PCDHA4: variants seen among roughly 807,000 people sequenced by gnomAD.
The protein encoded by PCDHA4 is protocadherin alpha 4.
PCDHA4 carries 49 observed loss-of-function variants against 61.4 expected under a neutral mutation model. The observed-to-expected ratio is 0.80, with a 90% CI of 0.63 to 1.01. The LOEUF (loss-of-function observed/expected upper bound fraction) is 1.01. Ranked by LOEUF, PCDHA4 falls within the 50% of genes least tolerant of loss-of-function variation. The pLI, the probability that PCDHA4 is intolerant of heterozygous loss-of-function variation, is 0.00. For synonymous variants in PCDHA4, 590 were observed against 550.3 expected (o/e 1.07, Z -1.01); for missense variants, 1,254 against 1,235.8 (o/e 1.01, Z -0.22).
At chr5:140,954,356 CCA>C (rs1251664193) in intron 1 of PCDHA4, among the ~76,000 whole-genome samples, 1 of 152,152 alleles carries the variant, frequency 6.6e-6, no homozygotes, top group Non-Finnish European at 1.5e-5. Flanking sequence ...TGAGGAATCG[CCA>C]CACAGTCTCC....
At chr5:140,933,513 G>A (rs2089204044) in intron 1 of PCDHA4, among the ~76,000 whole-genome samples, 1 of 152,012 alleles carries the variant, frequency 6.6e-6, no homozygotes, top group African/African-American at 2.4e-5. Context: ...AAAGACTACA[G>A]CTGTTTTGTT....
intron 1 of PCDHA4, among the ~76,000 whole-genome samples, chr5:140,923,974 C>A (rs2081604148): frequency 6.6e-6 from 1 of 152,212 alleles, no homozygotes; most frequent in African/African-American, 2.4e-5. Flanking sequence ...CCCACACATA[C>A]TATCCCTCTA....
At chr5:140,820,525 A>G (rs2150107223) in intron 1 of PCDHA4, among the ~76,000 whole-genome samples, 2 of 152,164 alleles carry the variant, frequency 1.3e-5, no homozygotes, top group African/African-American at 4.8e-5. Flanking sequence ...GCAGAATGTT[A>G]GCTATTTCTT....
chr5:141,000,395 C>CTCTCTATA (rs1213762225), intron 3 of PCDHA4, among the ~76,000 whole-genome samples: 1 of 53,986 alleles, frequency 1.9e-5, no homozygotes, highest in Non-Finnish European at 3.2e-5. Flanking sequence ...CTCTCTCTCT[C>CTCTCTATA]TATATATATA....
intron 1 of PCDHA4, chr5:140,928,948 A>G: frequency 1.2e-6 from 2 of 1,614,032 alleles, no homozygotes; most frequent in Non-Finnish European, 1.7e-6. Flanking sequence ...GTATTTAGTA[A>G]TTGCCTTGGC....
intron 1 of PCDHA4, chr5:140,876,792 A>T: frequency 6.2e-7 from 1 of 1,614,116 alleles, no homozygotes; most frequent in Non-Finnish European, 8.5e-7. Context: ...CCACGGCTAG[A>T]GTGTCCGTGG....
At chr5:140,809,620 A>ACG in intron 1 of PCDHA4, 48 bp downstream of exon 1, 1 of 1,511,684 alleles carries the variant, frequency 6.6e-7, no homozygotes, top group Non-Finnish European at 8.9e-7. Context: ...GTTTTTCTCT[A>ACG]TCAACTTCTT....
chr5:140,811,757 T>C (rs2126631461), intron 1 of PCDHA4: 7 of 152,396 alleles, frequency 4.6e-5, no homozygotes, highest in African/African-American at 4.8e-5. Flanking sequence ...CCAGTGATGA[T>C]GGGCATTTTT....
At chr5:140,919,176 C>A (rs2079027921) in intron 1 of PCDHA4, among the ~76,000 whole-genome samples, 2 of 152,184 alleles carry the variant, frequency 1.3e-5, no homozygotes, top group Non-Finnish European at 1.5e-5. Flanking sequence ...GTTGCTATAT[C>A]TTCCTGATTG....
intron 2 of PCDHA4, 103 bp downstream of exon 2, chr5:140,979,110 C>G (rs1223081047): frequency 4.6e-5 from 69 of 1,515,610 alleles, no homozygotes; most frequent in Non-Finnish European, 5.9e-5. Flanking sequence ...AACTAAAAAG[C>G]TTTAGGTACT....
intron 1 of PCDHA4, among the ~76,000 whole-genome samples, chr5:140,963,916 T>A (rs186370400): frequency 2.0e-5 from 3 of 152,356 alleles, no homozygotes; most frequent in East Asian, 3.9e-4. Flanking sequence ...AAGCTTAGGC[T>A]AAGTAACATG....
rs2150346184 is a variant in PCDHA4, at chr5:140,842,847, C to T, written c.2385+33275C>T. 8 of 1,593,796 alleles carry T rather than the reference C, an allele frequency of 5.0e-6. 1 individual carries two copies. Among genetic ancestry groups the T allele is most frequent in the Non-Finnish European group, 1.7e-6 (2 of 1,165,370 alleles). On this transcript the variant is annotated intron_variant, in intron 1 of 3. Coordinates refer to ENST00000530339, the MANE Select transcript of PCDHA4 (RefSeq NM_018907.4). ...GAGCGCTCGCTGTCGAGCTACATTT[C>T]GGTGCACACGGAGAGCGGCAAGGTG...
At chr5:140,921,988 A>G (rs1182214376) in intron 1 of PCDHA4, among the ~76,000 whole-genome samples, 1 of 152,132 alleles carries the variant, frequency 6.6e-6, no homozygotes, top group Non-Finnish European at 1.5e-5. Flanking sequence ...ACTAAAAAAG[A>G]GTTCAATGAA....
chr5:140,897,312 T>G (rs1367286366), intron 1 of PCDHA4, among the ~76,000 whole-genome samples: 12 of 150,180 alleles, frequency 8.0e-5, no homozygotes, highest in Non-Finnish European at 1.6e-4. Context: ...TAGGTATATC[T>G]CCTAAAGCTA....
chr5:140,822,864 A>T lies in PCDHA4; in HGVS notation c.2385+13292A>T, dbSNP rs2150119903. ...TCCTGCCTGTCAAAGAGGACGCTCC[A>T]CTCAGCACGGTCATTGCTCTGATCA... is the stretch of plus-strand genomic sequence containing the variant. On this transcript the variant is annotated intron_variant, in intron 1 of 3. Transcript: ENST00000530339. The T allele has an allele frequency of 6.2e-6, 10 of 1,614,160 alleles. No homozygotes were observed. In the East Asian group the frequency reaches 1.6e-4, roughly 25 times the overall value.
At chr5:140,968,639 G>T (rs1278507600) in intron 1 of PCDHA4, 1 of 1,614,150 alleles carries the variant, frequency 6.2e-7, no homozygotes, top group Non-Finnish European at 8.5e-7. Context: ...TTACCATCTA[G>T]CCCAGACTTC....
chr5:140,834,830 C>T (rs1554134546), intron 1 of PCDHA4: 1 of 1,612,028 alleles, frequency 6.2e-7, no homozygotes, highest in East Asian at 2.2e-5. Context: ...GGCCGCTTGA[C>T]TCTCGGTTTC....
intron 1 of PCDHA4, among the ~76,000 whole-genome samples, chr5:140,906,376 C>T (rs1372120775): frequency 1.3e-5 from 2 of 152,166 alleles, no homozygotes; most frequent in Admixed American, 6.5e-5. Context: ...AATGCTATTA[C>T]ATAAAGTTAA....
intron 1 of PCDHA4, among the ~76,000 whole-genome samples, chr5:140,821,231 G>T (rs887712288): frequency 6.6e-6 from 1 of 152,070 alleles, no homozygotes; most frequent in Non-Finnish European, 1.5e-5. Context: ...ATAGAGATGA[G>T]AAAAGTCAAA....
Sources: gnomAD v4.1 joint callset for allele counts (sites outside exome capture counted in the v4.1 genomes callset) on GRCh38, gnomAD v4.1.1 for gene constraint, MANE v1.5 for transcripts, NCBI Gene and HGNC (gene_info 2026-07-23, HGNC 2026-07-21) for gene names.